MYO16: variants seen among roughly 807,000 people sequenced by gnomAD.
MYO16 encodes unconventional myosin-XVI.
A neutral mutation model predicts 205.3 loss-of-function variants in MYO16; 94 were observed. The observed-to-expected ratio is 0.46, with a 90% confidence interval of 0.39 to 0.54. MYO16 has a LOEUF of 0.54. Among genes scored for constraint, MYO16 ranks in the 20% least tolerant of loss-of-function variants. The pLI is 0.00. For missense variants in MYO16, 2,315 were observed against 2,387.5 expected, an observed-to-expected ratio of 0.97 and a Z score of 0.63; for synonymous variants, 988 against 954.0, an observed-to-expected ratio of 1.04 and a Z score of -0.66.
At chr13:108,524,996 T>G in the MYO16 span, among the ~76,000 whole-genome samples, 1 of 152,192 alleles carries the variant, frequency 6.6e-6, no homozygotes, top group Non-Finnish European at 1.5e-5. Context: ...TTTTAAAACT[T>G]TTTTAAAAAA....
At chr13:108,648,241 C>T (rs181056268) in intron 1 of MYO16, among the ~76,000 whole-genome samples, 105 of 152,330 alleles carry the variant, frequency 6.9e-4, no homozygotes, top group Admixed American at 1.8e-3. Flanking sequence ...CCTGGTCCTT[C>T]TCTGGCTTTA....
intron 23 of MYO16, among the ~76,000 whole-genome samples, chr13:109,046,145 C>T (rs1455065196): frequency 6.6e-6 from 1 of 152,166 alleles, no homozygotes; most frequent in Non-Finnish European, 1.5e-5. Flanking sequence ...TTTTGTGTCT[C>T]CCATTATCCA....
chr13:108,896,087 C>A (rs528652760), intron 14 of MYO16, among the ~76,000 whole-genome samples: 83 of 152,218 alleles, frequency 5.5e-4, no homozygotes, highest in African/African-American at 2.0e-3. Context: ...TTAACCATTT[C>A]CCTATATTGA....
At position 109,019,839 on chromosome 13, in the gene MYO16, G is replaced by C. The variant is rs1885961391; in HGVS notation, c.2724G>C (p.Met908Ile). ...SSNTNAVYSP[M>I]KDGNGNVALK... ...ACACAAATGCGGTGTACTCCCCCAT[G>C]AAGGATGGGAATGGGAATGTTGCCC... Residue 908 changes from methionine to isoleucine, a missense_variant, in exon 23 of 35, where the codon ATG becomes ATC. By Grantham distance (10) the Met-to-Ile change is conservative. This residue lies in a region of MYO16 where 1,213 missense variants were observed against 1,274.4 expected (regional missense o/e 0.95). Coordinates refer to ENST00000457511, the MANE Select transcript of MYO16 (RefSeq NM_001198950.3). 4 of 1,614,018 alleles carry C rather than the reference G, an allele frequency of 2.5e-6. No individual in the cohort carries two copies. In the African/African-American group the frequency reaches 5.3e-5, roughly 22 times the overall value.
chr13:109,152,653 C>T lies in MYO16; in HGVS notation c.5164+11277C>T, dbSNP rs191429633. ...TAATCGGAATACATTTCCATTTCTG[C>T]GGGGATTGAGCATGTCTTCGGAACC... On this transcript the variant is annotated intron_variant, in intron 32 of 34. Transcript: ENST00000457511. 3.9e-3 allele frequency among the ~76,000 whole-genome samples: 589 copies of T among 152,184 alleles called. 4 individuals carry two copies. The highest frequency in any genetic ancestry group is 9.5e-3 in the Admixed American group (146 of 15,290).
chr13:109,086,829 A>G lies in MYO16; in HGVS notation c.3336-13956A>G, dbSNP rs1458725395. 6.6e-5 allele frequency among the ~76,000 whole-genome samples: 10 copies of G among 152,304 alleles called. No homozygotes were observed. The East Asian group carries it at 1.9e-3, about 29-fold the overall frequency. On this transcript the variant is annotated intron_variant, in intron 27 of 34. Transcript: ENST00000457511. ...AACAGATCTATATTTAAAGCGTCTC[A>G]CTGAAAAGAAATAGGAAGTCCATTA... is the stretch of plus-strand genomic sequence containing the variant.
intron 9 of MYO16, among the ~76,000 whole-genome samples, chr13:108,837,229 C>A (rs187852189): frequency 0.013 from 1,997 of 152,262 alleles, 38 homozygotes; most frequent in African/African-American, 0.045. Flanking sequence ...CCTGTTGGCA[C>A]TTGTTCTTCC....
intron 28 of MYO16, among the ~76,000 whole-genome samples, chr13:109,104,836 A>T (rs982032558): frequency 5.3e-5 from 8 of 152,126 alleles, no homozygotes; most frequent in Admixed American, 5.2e-4. Flanking sequence ...TCAGCGAGAC[A>T]TTCCCTGGCT....
intron 33 of MYO16, among the ~76,000 whole-genome samples, chr13:109,178,015 C>G (rs895521091): frequency 6.6e-6 from 1 of 152,168 alleles, no homozygotes; most frequent in Non-Finnish European, 1.5e-5. Context: ...TGGTCCTTCA[C>G]ATGAATCCCA....
intron 7 of MYO16, among the ~76,000 whole-genome samples, chr13:108,810,271 G>A (rs953498819): frequency 2.4e-4 from 36 of 152,146 alleles, no homozygotes; most frequent in African/African-American, 7.7e-4. Context: ...GTCTCCACTG[G>A]AATGCACGCT....
intron 16 of MYO16, among the ~76,000 whole-genome samples, chr13:108,940,456 G>A (rs1217435034): frequency 6.6e-6 from 1 of 152,106 alleles, no homozygotes; most frequent in East Asian, 1.9e-4. Context: ...ATTAGTAATG[G>A]AGTAAAATGT....
intron 29 of MYO16, among the ~76,000 whole-genome samples, chr13:109,121,547 G>A (rs1473521410): frequency 6.6e-6 from 1 of 152,190 alleles, no homozygotes; most frequent in Non-Finnish European, 1.5e-5. Flanking sequence ...ACCCTCTGTT[G>A]GAGTCTCATT....
intron 12 of MYO16, among the ~76,000 whole-genome samples, chr13:108,872,101 G>A (rs1317334825): frequency 6.6e-6 from 1 of 152,192 alleles, no homozygotes; most frequent in African/African-American, 2.4e-5. Flanking sequence ...GCACCAAGGG[G>A]TGGGAGGGGA....
intron 16 of MYO16, among the ~76,000 whole-genome samples, chr13:108,926,031 T>G (rs966480096): frequency 1.3e-5 from 2 of 152,234 alleles, no homozygotes; most frequent in Non-Finnish European, 2.9e-5. Flanking sequence ...CACCTTGTTC[T>G]GACCGCACAA....
intron 3 of MYO16, among the ~76,000 whole-genome samples, chr13:108,726,718 A>G (rs754596689): frequency 2.0e-4 from 31 of 152,166 alleles, no homozygotes; most frequent in Non-Finnish European, 3.5e-4. Flanking sequence ...GTGCAGTTGC[A>G]TAGATTGTAC....
At position 109,125,281 on chromosome 13, in the gene MYO16, G is replaced by A. The variant is rs760703098; in HGVS notation, c.3705G>A (p.Arg1235=). The A allele has an allele frequency of 6.2e-7, 1 of 1,614,126 alleles. No homozygotes were observed. Among genetic ancestry groups the A allele is most frequent in the South Asian group, 1.1e-5 (1 of 91,070 alleles). The change falls in exon 30 of 35, where the codon CGG becomes CGA. Residue 1235 remains arginine, a synonymous_variant. Coordinates refer to ENST00000457511, the MANE Select transcript of MYO16 (RefSeq NM_001198950.3). The surrounding 1 kb of genome is among the most constrained non-coding windows in gnomAD (Gnocchi z 4.0). ...CAGACATTGCCCGGGAAAATGACCG[G>A]CTCCGTAGTGAAATGAACGCTCCCT... The part of the protein sequence containing the change: ...NASDIAREND[R]LRSEMNAPYH...
chr13:109,136,698 G>T (rs1346327522), intron 31 of MYO16, among the ~76,000 whole-genome samples: 1 of 152,154 alleles, frequency 6.6e-6, no homozygotes, highest in Admixed American at 6.5e-5. Flanking sequence ...GTTCCCTTCA[G>T]CTTCCAGCAT....
chr13:108,659,366 A>G (rs1338456576), intron 1 of MYO16: 1 of 433,428 alleles, frequency 2.3e-6, no homozygotes, highest in Non-Finnish European at 4.6e-6. Flanking sequence ...ATGTCTAGGT[A>G]TAGATATATA....
At chr13:108,829,501 T>A (rs1044883749) in intron 9 of MYO16, among the ~76,000 whole-genome samples, 3 of 152,126 alleles carry the variant, frequency 2.0e-5, no homozygotes, top group African/African-American at 7.2e-5. Context: ...GGAAAGAACA[T>A]CTAATATCAT....
Sources: gnomAD v4.1 joint callset for allele counts (sites outside exome capture counted in the v4.1 genomes callset) on GRCh38, gnomAD v4.1.1 for gene constraint, gnomAD v4.1.1 regional missense constraint, Gnocchi (gnomAD v3.1) non-coding constraint, MANE v1.5 for transcripts, NCBI Gene and HGNC (gene_info 2026-07-23, HGNC 2026-07-21) for gene names.